KCNC4: variants seen among roughly 807,000 people sequenced by gnomAD.
The protein encoded by KCNC4 is potassium voltage-gated channel subfamily C member 4, also known as voltage-gated potassium channel KCNC4.
In KCNC4, 23 loss-of-function variants were observed where a neutral mutation model predicts 42.8. The observed-to-expected ratio is 0.54, with a 90% CI of 0.39 to 0.76. The LOEUF is 0.76. KCNC4 is among the 30% of genes least tolerant of loss of function. KCNC4 has a pLI of 0.00. For missense variants in KCNC4, 751 were observed against 898.2 expected (o/e 0.84, Z 2.10); for synonymous variants, 422 against 393.5 (o/e 1.07, Z -0.86).
chr1:110,266,209 T>C (rs143074502), intron 1 of KCNC4, among the ~76,000 whole-genome samples: 1 of 152,324 alleles, frequency 6.6e-6, no homozygotes, highest in African/African-American at 2.4e-5. Context: ...GTACTGGCTT[T>C]GTGGTAACCA....
chr1:110,241,111 C>T (rs1659023942), exon 4 of KCNC4: 1 of 152,308 alleles, frequency 6.6e-6, no homozygotes, highest in Admixed American at 6.5e-5. Flanking sequence ...CCCTCTGGGC[C>T]TCGGTGCTAG....
rs1038584768 is a variant in KCNC4, at chr1:110,210,331, G to A, written c.-1169G>A. ...AAGGCGCCACTGGGGCGTGGCGGCCGCTGCCAGCGCCGGAGGGAGACCATG... is the reference window on the plus strand; with the variant it reads ...AAGGCGCCACTGGGGCGTGGCGGCCACTGCCAGCGCCGGAGGGAGACCATG... On this transcript the variant is annotated 5_prime_UTR_variant, in exon 1 of 4. Transcript: ENST00000438661. Among the ~76,000 whole-genome samples, 2 of 151,628 alleles carry A rather than the reference G, an allele frequency of 1.3e-5. No individual in the cohort carries two copies. The highest frequency in any genetic ancestry group is 1.9e-4 in the East Asian group (1 of 5,140).
At chr1:110,228,884 C>T (rs1348717365) in intron 3 of KCNC4, 2 of 152,230 alleles carry the variant, frequency 1.3e-5, no homozygotes, top group Non-Finnish European at 2.9e-5. Flanking sequence ...AGCTCTGGAA[C>T]CGGAGAGCAA....
chr1:110,236,657 T>C (rs1419653883), downstream of KCNC4: 1 of 152,168 alleles, frequency 6.6e-6, no homozygotes, highest in East Asian at 1.9e-4. Context: ...AGTGACTGCT[T>C]GGTTCCTTCC....
Position 110,212,113 on chromosome 1 carries a change from G to T in KCNC4, c.614G>T (p.Cys205Phe). Residue 205 changes from cysteine to phenylalanine, a missense_variant, in exon 1 of 4, where the codon TGC becomes TTC. Transcript: ENST00000438661. ...GAGHGAGSGG[C>F]RGWQPRMWAL... ...GGCCATGGCGCCGGGTCTGGGGGCT[G>T]CCGCGGCTGGCAGCCCCGCATGTGG... 1.3e-6 allele frequency: 2 copies of T among 1,501,620 alleles called. No individual in the cohort carries two copies. Among genetic ancestry groups the T allele is most frequent in the Admixed American group, 2.4e-5 (1 of 41,248 alleles). 93.0% of individuals were successfully genotyped at this position (1,501,620 alleles called of 1,614,324 possible).
chr1:110,242,939 A>C (rs1659061060), exon 4 of KCNC4: 1 of 152,224 alleles, frequency 6.6e-6, no homozygotes, highest in African/African-American at 2.4e-5. Context: ...CCACGGCCAG[A>C]TTGCTAATTC....
chr1:110,265,077 G>A (rs1433420890), intron 1 of KCNC4, among the ~76,000 whole-genome samples: 2 of 111,164 alleles, frequency 1.8e-5, no homozygotes, highest in Non-Finnish European at 3.6e-5. Flanking sequence ...CCAAGACTCT[G>A]TCTCAGAAAA....
chr1:110,218,714 T>G (rs1029593442), intron 1 of KCNC4, among the ~76,000 whole-genome samples: 1 of 152,180 alleles, frequency 6.6e-6, no homozygotes, highest in Non-Finnish European at 1.5e-5. Context: ...CATGCAGGTC[T>G]CATATGCAGT....
At chr1:110,237,107 A>C (rs1008621210), downstream of KCNC4, 16 of 152,094 alleles carry the variant, frequency 1.1e-4, no homozygotes, top group African/African-American at 3.9e-4. Flanking sequence ...CAGAAGTTTG[A>C]GACCAGCCTG....
At chr1:110,237,874 TG>T (rs539467379), downstream of KCNC4, 1 of 152,336 alleles carries the variant, frequency 6.6e-6, no homozygotes, top group Non-Finnish European at 1.5e-5. Context: ...CCCACCCTCG[TG>T]GGGCTCCTGT....
In KCNC4 at chr1:110,223,099, C is replaced by T. The variant is rs764851791; in HGVS notation, c.814C>T (p.Arg272Trp). 11 of 1,614,048 alleles carry T rather than the reference C, an allele frequency of 6.8e-6. No individual in the cohort carries two copies. The highest frequency in any genetic ancestry group is 1.7e-5 in the Admixed American group (1 of 60,002). The change falls in exon 2 of 4, where the codon CGG becomes TGG. Residue 272 changes from arginine to tryptophan, a missense_variant. Transcript: ENST00000438661. The surrounding 1 kb of genome is among the most constrained non-coding windows in gnomAD (Gnocchi z 7.5). ...RVGNITSVHF[R>W]REVETEPILT... ...AGGGAACATCACCAGCGTGCACTTCCGGCGGGAGGTAGAGACAGAGCCCAT... is the reference window on the plus strand; with the variant it reads ...AGGGAACATCACCAGCGTGCACTTCTGGCGGGAGGTAGAGACAGAGCCCAT...
At position 110,210,364 on chromosome 1, in the gene KCNC4, A is replaced by C. The variant is rs1361290065; in HGVS notation, c.-1136A>C. On this transcript the variant is annotated 5_prime_UTR_variant, in exon 1 of 4. The change abolishes the stop of an existing upstream ORF in the 5' untranslated region. Transcript: ENST00000438661. ...CGCCGGAGGGAGACCATGAGCCCCT[A>C]GGGCCCCAGCCCACCGGCGCCGAGG... 6.6e-6 allele frequency among the ~76,000 whole-genome samples: 1 copy of C among 151,394 alleles called. No individual in the cohort carries two copies. The highest frequency in any genetic ancestry group is 2.4e-5 in the African/African-American group (1 of 41,254).
chr1:110,228,280 T>C (rs1256601069), intron 3 of KCNC4, among the ~76,000 whole-genome samples: 1 of 152,104 alleles, frequency 6.6e-6, no homozygotes, highest in African/African-American at 2.4e-5. Flanking sequence ...TGCTGGAGGC[T>C]GTGGGGTCTT....
In KCNC4 at chr1:110,210,681, T is replaced by C. The variant is rs918155339; in HGVS notation, c.-819T>C. Among the ~76,000 whole-genome samples the C allele has an allele frequency of 2.7e-5, 4 of 150,526 alleles. No individual in the cohort carries two copies. The highest frequency in any genetic ancestry group is 4.9e-5 in the African/African-American group (2 of 41,024). ...GCTCGGCGCCGCGCAGGACGCCCCG[T>C]CTGAGGCACCCCCGCCCCAGCGCGG... On this transcript the variant is annotated 5_prime_UTR_variant, in exon 1 of 4. Coordinates refer to ENST00000438661, the MANE Select transcript of KCNC4 (RefSeq NM_001039574.3).
intron 1 of KCNC4, among the ~76,000 whole-genome samples, chr1:110,218,290 C>T (rs1267199856): frequency 6.6e-6 from 1 of 152,094 alleles, no homozygotes; most frequent in Non-Finnish European, 1.5e-5. Flanking sequence ...TAGATACTAC[C>T]CTCATCCCCT....
chr1:110,257,779 T>TCTAA (rs1404956023), intron 1 of KCNC4, among the ~76,000 whole-genome samples: 3 of 147,688 alleles, frequency 2.0e-5, no homozygotes, highest in Admixed American at 6.8e-5. Context: ...GTATGGCAGC[T>TCTAA]CTAACCAAGT....
chr1:110,216,262 C>T (rs1367008458), intron 1 of KCNC4, among the ~76,000 whole-genome samples: 1 of 152,218 alleles, frequency 6.6e-6, no homozygotes, highest in Non-Finnish European at 1.5e-5. Context: ...TGATGCTGTG[C>T]CCTCTGAGCT....
At chr1:110,226,939 G>A (rs1658428456) in intron 3 of KCNC4, among the ~76,000 whole-genome samples, 1 of 152,196 alleles carries the variant, frequency 6.6e-6, no homozygotes, top group South Asian at 2.1e-4. Context: ...AAAGCGGGTA[G>A]GAATGATCAA....
intron 3 of KCNC4, 32 bp downstream of exon 3, chr1:110,226,210 C>T (rs768423888): frequency 3.1e-6 from 5 of 1,596,186 alleles, no homozygotes; most frequent in Admixed American, 3.3e-5. Context: ...AGGTGGGGAG[C>T]CCCCACAGAG....
Sources: gnomAD v4.1 joint callset for allele counts (sites outside exome capture counted in the v4.1 genomes callset) on GRCh38, gnomAD v4.1.1 for gene constraint, Gnocchi (gnomAD v3.1) non-coding constraint, MANE v1.5 for transcripts, NCBI Gene and HGNC (gene_info 2026-07-23, HGNC 2026-07-21) for gene names.